The following EEF1A2 variants were observed in gnomAD, a reference collection of about 807,000 sequenced individuals.
EEF1A2 encodes eukaryotic translation elongation factor 1 alpha 2.
Under a neutral mutation model 39.3 loss-of-function variants are expected in EEF1A2, and 5 were observed. The observed-to-expected ratio is 0.13, with a 90% confidence interval of 0.07 to 0.27. The LOEUF (loss-of-function observed/expected upper bound fraction) is 0.27. EEF1A2 is among the 10% of genes least tolerant of loss of function. The pLI, the probability that EEF1A2 is intolerant of heterozygous loss-of-function variation, is 1.00. For missense variants in EEF1A2, 218 were observed against 681.4 expected (o/e 0.32, Z 7.57); for synonymous variants, 287 against 293.7 (o/e 0.98, Z 0.23).
chr20:63,488,252 G>C lies in EEF1A2; in HGVS notation c.*46C>G. 1 of 990,152 alleles carries C rather than the reference G, an allele frequency of 1.0e-6. No individual in the cohort carries two copies. Among genetic ancestry groups the C allele is most frequent in the Non-Finnish European group, 1.2e-6 (1 of 834,792 alleles). The allele number at this position is 990,152 out of a possible 1,614,324, so 61.3% of individuals were successfully genotyped here. A position where few individuals can be genotyped will look rare whatever the true frequency, so the allele number is the denominator to read the frequency against. On this transcript the variant is annotated 3_prime_UTR_variant, in exon 8 of 8. Coordinates refer to ENST00000217182, the MANE Select transcript of EEF1A2 (RefSeq NM_001958.5). ...GGGCGGGGGCCCGGGCCCGGGGTTC[G>C]GAGCGCGGCACCGCCGGGGAGGGTC... is the stretch of plus-strand genomic sequence containing the variant.
At chr20:63,492,445 AATGGATGG>A (rs200488738) in intron 5 of EEF1A2, among the ~76,000 whole-genome samples, 26 of 88,188 alleles carry the variant, frequency 2.9e-4, no homozygotes, top group African/African-American at 1.3e-4. Context: ...TGGTTGAGAC[AATGGATGG>A]ATGGATGGAT....
At position 63,497,518 on chromosome 20, in the gene EEF1A2, A is replaced by C; in HGVS notation, c.144+102T>G. On this transcript the variant is annotated intron_variant, in intron 2 of 7. Coordinates refer to ENST00000217182, the MANE Select transcript of EEF1A2 (RefSeq NM_001958.5). This position sits in a 1 kb window ranked among gnomAD's most constrained non-coding sequence, Gnocchi z 7.3. Reference sequence around the variant, plus strand: ...GGTCCCTCCTGCCCTGGAGGAGGTCACCTGAGCCCCATGCCCTGGGGCTGG... The same window carrying C: ...GGTCCCTCCTGCCCTGGAGGAGGTCCCCTGAGCCCCATGCCCTGGGGCTGG... 1 of 1,507,892 alleles carries C rather than the reference A, an allele frequency of 6.6e-7. No homozygotes were observed. The highest frequency in any genetic ancestry group is 1.8e-4 in the Middle Eastern group (1 of 5,512). The allele number at this position is 1,507,892 out of a possible 1,614,324, so 93.4% of individuals were successfully genotyped here. A position where few individuals can be genotyped will look rare whatever the true frequency, so the allele number is the denominator to read the frequency against.
intron 6 of EEF1A2, chr20:63,490,063 TTTTC>T (rs912873467): frequency 2.0e-5 from 3 of 147,944 alleles, no homozygotes; most frequent in South Asian, 1.8e-4. Context: ...TGCGGGTCCC[TTTTC>T]TTTTTTTTTT....
Position 63,497,874 on chromosome 20 carries a change from G to A in EEF1A2, c.-71-40C>T. 1.4e-6 allele frequency: 2 copies of A among 1,411,766 alleles called. No individual in the cohort carries two copies. Among genetic ancestry groups the A allele is most frequent in the Non-Finnish European group, 1.9e-6 (2 of 1,040,500 alleles). 87.5% of individuals were successfully genotyped at this position (1,411,766 alleles called of 1,614,324 possible). On this transcript the variant is annotated intron_variant, in intron 1 of 7. Coordinates refer to ENST00000217182, the MANE Select transcript of EEF1A2 (RefSeq NM_001958.5). This position sits in a 1 kb window ranked among gnomAD's most constrained non-coding sequence, Gnocchi z 7.3. ...GTGGTGGGGAGACCGGTGATGGGGA[G>A]CCCCAGGGGGAGACACCAGCAGAGA...
At chr20:63,490,178 C>T (rs549958091) in intron 6 of EEF1A2, 8 of 287,304 alleles carry the variant, frequency 2.8e-5, no homozygotes, top group African/African-American at 1.5e-4. Context: ...AGCGATTCTC[C>T]TGCCTCAGCT....
chr20:63,489,162 G>T lies in EEF1A2; in HGVS notation c.1030-10C>A, dbSNP rs571276508. 5.3e-4 allele frequency: 853 copies of T among 1,609,874 alleles called. 13 individuals are homozygous for T. The South Asian group carries it at 8.6e-3, about 16-fold the overall frequency. ...GGTTCAGGATGATGACCTGCGAGCG[G>T]AGCCACAGGCGGCCATCAGGCACAT... On this transcript the variant is annotated splice_polypyrimidine_tract_variant and intron_variant, in intron 6 of 7. Transcript: ENST00000217182.
intron 6 of EEF1A2, chr20:63,490,068 T>TTTTTTTTTTTTTTTTTTTTTG (rs1491473743): frequency 1.5e-5 from 1 of 66,746 alleles, no homozygotes; most frequent in East Asian, 6.0e-4. Flanking sequence ...GTCCCTTTTC[T>TTTTTTTTTTTTTTTTTTTTTG]TTTTTTTTTT....
intron 4 of EEF1A2, 103 bp from the exon 5 acceptor site, chr20:63,493,390 C>T: frequency 1.5e-6 from 2 of 1,351,590 alleles, no homozygotes; most frequent in Non-Finnish European, 2.0e-6. Flanking sequence ...TCAGGCTAAA[C>T]TTGCCTCGTG....
rs1336320398 is a variant in EEF1A2 at position 63,495,885 on chromosome 20, T to C, written c.295A>G (p.Ile99Val). The C allele has an allele frequency of 6.2e-7, 1 of 1,613,246 alleles. No homozygotes were observed. The highest frequency in any genetic ancestry group is 1.1e-5 in the South Asian group (1 of 91,074). Residue 99 changes from isoleucine (I) to valine (V), a missense_variant, in exon 3 of 8, where the codon ATC becomes GTC. Physicochemically the swap from Ile to Val is conservative, Grantham distance 29. This residue lies in a region of EEF1A2 where 28 missense variants were observed against 156.2 expected (regional missense o/e 0.18). Transcript: ENST00000217182. ...GATGTACCCGTGATCATGTTCTTGATGAAGTCGCGGTGGCCGGGGGCATCG... is the reference window on the plus strand; with the variant it reads ...GATGTACCCGTGATCATGTTCTTGACGAAGTCGCGGTGGCCGGGGGCATCG... ...IIDAPGHRDF[I>V]KNMITGTSQA...
chr20:63,489,422 G>A (rs548763736), intron 6 of EEF1A2, among the ~76,000 whole-genome samples: 66 of 152,186 alleles, frequency 4.3e-4, no homozygotes, highest in Non-Finnish European at 8.2e-4. Flanking sequence ...AACTAAGGCG[G>A]GGGGGTGACA....
In EEF1A2 at chr20:63,496,245, CT is replaced by C. The variant is rs962204156; in HGVS notation, c.145-211del. Reference sequence around the variant, plus strand: ...CCCCCAGGGCCGGCCTCCGCACCTGCTCCGAAATGGGCGCGGCTACGCAGGT... The same window carrying C: ...CCCCCAGGGCCGGCCTCCGCACCTGCCCGAAATGGGCGCGGCTACGCAGGT... On this transcript the variant is annotated intron_variant, in intron 2 of 7. Coordinates refer to ENST00000217182, the MANE Select transcript of EEF1A2 (RefSeq NM_001958.5). 21 of 605,822 alleles carry C rather than the reference CT, an allele frequency of 3.5e-5. No homozygotes were observed. The African/African-American group carries it at 3.5e-4, about 10-fold the overall frequency. 37.5% of individuals were successfully genotyped at this position (605,822 alleles called of 1,614,324 possible). A position where few individuals can be genotyped will look rare whatever the true frequency, so the allele number is the denominator to read the frequency against.
In EEF1A2 at chr20:63,495,629, G is replaced by A. The variant is rs899085836; in HGVS notation, c.324+227C>T. 3.3e-5 allele frequency among the ~76,000 whole-genome samples: 5 copies of A among 152,328 alleles called. No homozygotes were observed. The South Asian group carries it at 1.0e-3, about 32-fold the overall frequency. On this transcript the variant is annotated intron_variant, in intron 3 of 7. Transcript: ENST00000217182. Reference sequence around the variant, plus strand: ...CTGCCCCCATCTATCTGGGGACTCTGACACTGGCTGGATGCCTTCACAGGC... The same window carrying A: ...CTGCCCCCATCTATCTGGGGACTCTAACACTGGCTGGATGCCTTCACAGGC...
chr20:63,492,081 G>A (rs1403181118), intron 5 of EEF1A2, among the ~76,000 whole-genome samples: 5 of 140,618 alleles, frequency 3.6e-5, no homozygotes, highest in African/African-American at 1.4e-4. Flanking sequence ...TGGATGGATA[G>A]AGAGGTGGAT....
chr20:63,497,432 C>G lies in EEF1A2; in HGVS notation c.144+188G>C. The G allele has an allele frequency of 1.2e-6, 1 of 853,484 alleles. No individual in the cohort carries two copies. The highest frequency in any genetic ancestry group is 1.7e-6 in the Non-Finnish European group (1 of 599,230). The allele number at this position is 853,484 out of a possible 1,614,324, so 52.9% of individuals were successfully genotyped here. A position where few individuals can be genotyped will look rare whatever the true frequency, so the allele number is the denominator to read the frequency against. ...CGATGGCCACCCCTCCCCCACCAAGCTCCCCCTAAGAGAGAGGCTGCCCCA... is the reference window on the plus strand; with the variant it reads ...CGATGGCCACCCCTCCCCCACCAAGGTCCCCCTAAGAGAGAGGCTGCCCCA... On this transcript the variant is annotated intron_variant, in intron 2 of 7. Coordinates refer to ENST00000217182, the MANE Select transcript of EEF1A2 (RefSeq NM_001958.5). This position sits in a 1 kb window ranked among gnomAD's most constrained non-coding sequence, Gnocchi z 7.3.
intron 6 of EEF1A2, among the ~76,000 whole-genome samples, 170 bp from the exon 7 acceptor site, chr20:63,489,322 C>T (rs1170073748): frequency 6.6e-6 from 1 of 152,228 alleles, no homozygotes; most frequent in Non-Finnish European, 1.5e-5. Flanking sequence ...AGACCTGAAC[C>T]TCAACATCCT....
intron 7 of EEF1A2, 150 bp downstream of exon 7, chr20:63,488,768 G>C: frequency 1.1e-6 from 1 of 880,994 alleles, no homozygotes; most frequent in Non-Finnish European, 1.7e-6. Flanking sequence ...GTGACACGGA[G>C]GCCGTGGCTC....
At position 63,495,951 on chromosome 20, in the gene EEF1A2, G is replaced by C; in HGVS notation, c.229C>G (p.Leu77Val). 1 of 1,613,348 alleles carries C rather than the reference G, an allele frequency of 6.2e-7. No individual in the cohort carries two copies. The highest frequency in any genetic ancestry group is 8.5e-7 in the Non-Finnish European group (1 of 1,179,950). Residue 77 changes from leucine (L) to valine (V), a missense_variant, in exon 3 of 8, where the codon CTC (leucine) becomes GTC (valine). Physicochemically the swap from Leu to Val is conservative, Grantham distance 32 (BLOSUM62 1). This residue lies in a region of EEF1A2 where 28 missense variants were observed against 156.2 expected (regional missense o/e 0.18). Coordinates refer to ENST00000217182, the MANE Select transcript of EEF1A2 (RefSeq NM_001958.5). ...RERGITIDIS[L>V]WKFETTKYYI... Reference sequence around the variant, plus strand: ...TACTTGGTGGTCTCGAACTTCCAGAGGGAGATGTCGATGGTGATGCCGCGC... The same window carrying C: ...TACTTGGTGGTCTCGAACTTCCAGACGGAGATGTCGATGGTGATGCCGCGC...
rs12480788 is a variant in EEF1A2, at chr20:63,493,595, G to A, written c.622-308C>T. The stretch of plus-strand genomic sequence containing the variant: ...TCCAGCCCCAAGTCCCCGAAACCCC[G>A]GGCCCCTGACCATCAGCTCCAGGCA... On this transcript the variant is annotated intron_variant, in intron 4 of 7. Transcript: ENST00000217182. Among the ~76,000 whole-genome samples, 863 of 152,238 alleles carry A rather than the reference G, an allele frequency of 5.7e-3. 22 individuals carry two copies. Among genetic ancestry groups the A allele is most frequent in the Admixed American group, 0.045 (688 of 15,300 alleles).
chr20:63,496,524 G>A lies in EEF1A2; in HGVS notation c.145-489C>T, dbSNP rs574051605. The A allele has an allele frequency of 1.0e-3, 158 of 155,096 alleles. 2 individuals are homozygous for A. The South Asian group carries it at 0.029, about 28-fold the overall frequency. The allele number at this position is 155,096 out of a possible 1,614,324, so 9.6% of individuals were successfully genotyped here. A position where few individuals can be genotyped will look rare whatever the true frequency, so the allele number is the denominator to read the frequency against. On this transcript the variant is annotated intron_variant, in intron 2 of 7. Transcript: ENST00000217182. ...GAGGTCAGGAGGAGGGCCTGGCCAC[G>A]CAGCTCCTTCCCGCTGCTCCAGCCT...
Sources: allele counts gnomAD v4.1 joint callset (sites outside exome capture counted in the v4.1 genomes callset), GRCh38; gene constraint gnomAD v4.1.1; regional missense constraint gnomAD v4.1.1; non-coding constraint Gnocchi (gnomAD v3.1); transcripts MANE v1.5; gene names NCBI Gene and HGNC (gene_info 2026-07-23, HGNC 2026-07-21).